The following SZRD1 variants were observed in gnomAD, a reference collection of about 807,000 sequenced individuals.
The protein encoded by SZRD1 is SUZ RNA-binding domain-containing.
SZRD1 carries 7 observed loss-of-function variants against 17.6 expected under a neutral mutation model. That is an observed-to-expected ratio of 0.40 (90% CI 0.23 to 0.75). SZRD1 has a LOEUF of 0.75. SZRD1 is among the 30% of genes least tolerant of loss of function. The pLI is 0.38. For synonymous variants in SZRD1, 77 were observed against 77.9 expected, an observed-to-expected ratio of 0.99 and a Z score of 0.06; for missense variants, 178 against 201.8, an observed-to-expected ratio of 0.88 and a Z score of 0.71.
At chr1:16,378,354 G>T (rs2083038397) in intron 1 of SZRD1, among the ~76,000 whole-genome samples, 1 of 146,300 alleles carries the variant, frequency 6.8e-6, no homozygotes, top group Non-Finnish European at 1.5e-5. Flanking sequence ...GGTGTGATCA[G>T]CTCACTGCAA....
At chr1:16,383,977 A>G (rs2083148282) in intron 1 of SZRD1, among the ~76,000 whole-genome samples, 1 of 152,198 alleles carries the variant, frequency 6.6e-6, no homozygotes, top group Non-Finnish European at 1.5e-5. Flanking sequence ...TAACATGATT[A>G]TTATTTTAAA....
rs954034738 is a variant in SZRD1 at position 16,395,796 on chromosome 1, T to C, written c.*656T>C. 1.9e-5 allele frequency: 3 copies of C among 154,692 alleles called. No individual in the cohort carries two copies. The highest frequency in any genetic ancestry group is 4.3e-5 in the Non-Finnish European group (3 of 69,372). 9.6% of individuals were successfully genotyped at this position (154,692 alleles called of 1,614,324 possible). A position where few individuals can be genotyped will look rare whatever the true frequency, so the allele number is the denominator to read the frequency against. ...AGGATTTTGGTGAGCTTAGCTTCTG[T>C]ATTCCTACTGCCGCCCAGAAAAGGG... On this transcript the variant is annotated 3_prime_UTR_variant, in exon 4 of 4. Transcript: ENST00000401088.
At chr1:16,389,611 A>G (rs1227934953) in intron 1 of SZRD1, among the ~76,000 whole-genome samples, 1 of 139,950 alleles carries the variant, frequency 7.1e-6, no homozygotes, top group Non-Finnish European at 1.5e-5. Context: ...GTGCCTGGCC[A>G]ATTTTTTGTA....
Position 16,391,597 on chromosome 1 carries a change from G to C in SZRD1, c.101+173G>C, listed in dbSNP as rs190277081. 6.6e-6 allele frequency among the ~76,000 whole-genome samples: 1 copy of C among 152,134 alleles called. No individual in the cohort carries two copies. Among genetic ancestry groups the C allele is most frequent in the Non-Finnish European group, 1.5e-5 (1 of 68,028 alleles). On this transcript the variant is annotated intron_variant, in intron 2 of 3. Coordinates refer to ENST00000401088, the MANE Select transcript of SZRD1 (RefSeq NM_001114600.3). This position sits in a 1 kb window ranked among gnomAD's most constrained non-coding sequence, Gnocchi z 4.3. Reference sequence around the variant, plus strand: ...CAGGACGTGGTGGCTTGAGGCTTTAGGGTTGAGGCTGGGGTGTTGCACCTG... The same window carrying C: ...CAGGACGTGGTGGCTTGAGGCTTTACGGTTGAGGCTGGGGTGTTGCACCTG...
intron 1 of SZRD1, among the ~76,000 whole-genome samples, chr1:16,374,537 T>A (rs1382516759): frequency 6.6e-6 from 1 of 152,224 alleles, no homozygotes; most frequent in Non-Finnish European, 1.5e-5. Context: ...TGTTTTTACT[T>A]CTATGACAGG....
chr1:16,379,615 C>T (rs1197935254), intron 1 of SZRD1, among the ~76,000 whole-genome samples: 6 of 152,164 alleles, frequency 3.9e-5, no homozygotes, highest in Non-Finnish European at 8.8e-5. Context: ...TGTCATTTGT[C>T]AACTGGATCC....
At chr1:16,378,386 CA>C (rs1472802999) in intron 1 of SZRD1, among the ~76,000 whole-genome samples, 1 of 149,084 alleles carries the variant, frequency 6.7e-6, no homozygotes, top group Non-Finnish European at 1.5e-5. Flanking sequence ...CAGGTTTGAG[CA>C]AATTCTCCTG....
intron 1 of SZRD1, among the ~76,000 whole-genome samples, chr1:16,375,013 G>A (rs910129984): frequency 1.3e-5 from 2 of 151,994 alleles, no homozygotes; most frequent in African/African-American, 4.8e-5. Context: ...AAGTAGCTGG[G>A]ATTACAGGTG....
At chr1:16,380,377 T>C (rs1176604028) in intron 1 of SZRD1, among the ~76,000 whole-genome samples, 1 of 151,628 alleles carries the variant, frequency 6.6e-6, no homozygotes, top group Non-Finnish European at 1.5e-5. Context: ...TGATCTCAGC[T>C]CACTGCTGAG....
At chr1:16,386,427 A>T (rs918760255) in intron 1 of SZRD1, among the ~76,000 whole-genome samples, 1 of 152,124 alleles carries the variant, frequency 6.6e-6, no homozygotes, top group Non-Finnish European at 1.5e-5. Context: ...GTTTAATTCC[A>T]TTGGGCTATT....
At chr1:16,379,921 C>T (rs2083070308) in intron 1 of SZRD1, among the ~76,000 whole-genome samples, 1 of 151,932 alleles carries the variant, frequency 6.6e-6, no homozygotes, top group Non-Finnish European at 1.5e-5. Flanking sequence ...CCACCACACC[C>T]CGCTAATTTT....
intron 1 of SZRD1, among the ~76,000 whole-genome samples, chr1:16,376,402 T>C (rs2083003290): frequency 6.6e-6 from 1 of 152,232 alleles, no homozygotes. Context: ...ATAATCCTGC[T>C]CTCAGTTATA....
At position 16,393,508 on chromosome 1, in the gene SZRD1, A is replaced by G. The variant is rs781224247; in HGVS notation, c.356+26A>G. On this transcript the variant is annotated intron_variant, in intron 3 of 3. Coordinates refer to ENST00000401088, the MANE Select transcript of SZRD1 (RefSeq NM_001114600.3). The surrounding 1 kb of genome is among the most constrained non-coding windows in gnomAD (Gnocchi z 5.6). The stretch of plus-strand genomic sequence containing the variant: ...GTGAGTGTGGCTGGCAGGGCCGGCC[A>G]GTGATGGCTGTCCCAGTCCACCCGG... 1.3e-6 allele frequency: 2 copies of G among 1,585,416 alleles called. No individual in the cohort carries two copies. Among genetic ancestry groups the G allele is most frequent in the South Asian group, 1.1e-5 (1 of 88,430 alleles).
intron 1 of SZRD1, among the ~76,000 whole-genome samples, chr1:16,368,612 T>G (rs1421165893): frequency 6.6e-6 from 1 of 152,214 alleles, no homozygotes; most frequent in African/African-American, 2.4e-5. Context: ...TTAAAGATTT[T>G]ATAGGGAGTA....
chr1:16,371,380 A>G (rs921234983), intron 1 of SZRD1, among the ~76,000 whole-genome samples: 5 of 144,654 alleles, frequency 3.5e-5, no homozygotes, highest in African/African-American at 1.3e-4. Context: ...ATCATGTAGA[A>G]TTTCTCCCCT....
chr1:16,382,599 A>G (rs2083123980), intron 1 of SZRD1, among the ~76,000 whole-genome samples: 1 of 151,460 alleles, frequency 6.6e-6, no homozygotes, highest in Non-Finnish European at 1.5e-5. Context: ...AGTTCAAGCG[A>G]TTCTCCTGCC....
At position 16,389,198 on chromosome 1, in the gene SZRD1, C is replaced by G. The variant is rs556816014; in HGVS notation, c.52-2177C>G. ...TCCCAGGTTCACGCCATCCTCCTGC[C>G]TCAGCCTCCCGAGTAGCTGGGACTA... On this transcript the variant is annotated intron_variant, in intron 1 of 3. Transcript: ENST00000401088. Among the ~76,000 whole-genome samples the G allele has an allele frequency of 4.4e-3, 661 of 150,496 alleles. 3 individuals are homozygous for G. Among genetic ancestry groups the G allele is most frequent in the Non-Finnish European group, 6.9e-3 (470 of 67,670 alleles).
In SZRD1 at chr1:16,367,295, C is replaced by T. The variant is rs1306171106; in HGVS notation, c.38C>T (p.Ala13Val). The part of the protein sequence containing the change: ...DEEVAESWEE[A>V]ADSGEIDRRL... The stretch of plus-strand genomic sequence containing the variant: ...GAGGTCGCTGAGAGCTGGGAAGAGG[C>T]GGCAGACAGCGGGGTAAGGAGGAGC... The change falls in exon 1 of 4, where the codon GCG becomes GTG. Residue 13 changes from alanine (A) to valine (V), a missense_variant. Ala to Val is a moderately conservative substitution (Grantham distance 64). Transcript: ENST00000401088. 1 of 1,548,726 alleles carries T rather than the reference C, an allele frequency of 6.5e-7. No individual in the cohort carries two copies. Among genetic ancestry groups the T allele is most frequent in the Non-Finnish European group, 8.7e-7 (1 of 1,146,526 alleles).
intron 1 of SZRD1, chr1:16,367,818 A>G (rs112109385): frequency 0.019 from 2,957 of 153,328 alleles, 80 homozygotes; most frequent in African/African-American, 0.068. Flanking sequence ...CTCTGCTAAA[A>G]TCCCCCACCA....
Sources: allele counts gnomAD v4.1 joint callset (sites outside exome capture counted in the v4.1 genomes callset), GRCh38; gene constraint gnomAD v4.1.1; non-coding constraint Gnocchi (gnomAD v3.1); transcripts MANE v1.5; gene names NCBI Gene and HGNC (gene_info 2026-07-23, HGNC 2026-07-21).